SLC25A24: variants seen among roughly 807,000 people sequenced by gnomAD.
SLC25A24 encodes mitochondrial adenyl nucleotide antiporter SLC25A24.
SLC25A24 carries 49 observed loss-of-function variants against 60.7 expected under a neutral mutation model. That is an observed-to-expected ratio of 0.81 (90% CI 0.64 to 1.02). The LOEUF (loss-of-function observed/expected upper bound fraction) is 1.02. Among genes scored for constraint, SLC25A24 ranks in the 50% least tolerant of loss-of-function variants. SLC25A24 has a pLI of 0.00. For missense variants in SLC25A24, 564 were observed against 586.3 expected, an observed-to-expected ratio of 0.96 and a Z score of 0.39; for synonymous variants, 202 against 200.6, an observed-to-expected ratio of 1.01 and a Z score of -0.06.
At chr1:108,196,037 A>G (rs563027196) in intron 1 of SLC25A24, among the ~76,000 whole-genome samples, 18 of 152,244 alleles carry the variant, frequency 1.2e-4, no homozygotes, top group African/African-American at 3.6e-4. Flanking sequence ...ATGAAATAAA[A>G]ATGAAATGAA....
chr1:108,182,832 CA>C (rs1475659746), intron 2 of SLC25A24, among the ~76,000 whole-genome samples: 2 of 151,286 alleles, frequency 1.3e-5, no homozygotes, highest in Admixed American at 6.6e-5. Context: ...GACTCCATCT[CA>C]AAAATAAATA....
At chr1:108,137,785 C>T (rs908147862) in intron 9 of SLC25A24, among the ~76,000 whole-genome samples, 8 of 152,188 alleles carry the variant, frequency 5.3e-5, no homozygotes, top group African/African-American at 1.7e-4. Flanking sequence ...TACTTAAATT[C>T]TCTCTGCCCC....
rs560999003 is a variant in SLC25A24, at chr1:108,194,278, G to T, written c.183+5678C>A. ...TTTCCCCCAGAGCTGCTGAGCAGTGGCAAATGTCTAATGCTGTTTCACAAG... is the reference window on the plus strand; with the variant it reads ...TTTCCCCCAGAGCTGCTGAGCAGTGTCAAATGTCTAATGCTGTTTCACAAG... On this transcript the variant is annotated intron_variant, in intron 1 of 9. Transcript: ENST00000565488. Among the ~76,000 whole-genome samples, 2 of 138,054 alleles carry T rather than the reference G, an allele frequency of 1.4e-5. 1 individual carries two copies. Among genetic ancestry groups the T allele is most frequent in the South Asian group, 5.7e-4 (2 of 3,534 alleles). 90.6% of individuals were successfully genotyped at this position (138,054 alleles called of 152,430 possible). A position where few individuals can be genotyped will look rare whatever the true frequency, so the allele number is the denominator to read the frequency against.
At chr1:108,162,874 C>T (rs1340581716) in intron 3 of SLC25A24, among the ~76,000 whole-genome samples, 3 of 148,968 alleles carry the variant, frequency 2.0e-5, no homozygotes, top group African/African-American at 7.5e-5. Flanking sequence ...TTGCCCATGC[C>T]TATGTCCTGA....
Position 108,199,948 on chromosome 1 carries a change from C to T in SLC25A24, c.183+8G>A. On this transcript the variant is annotated splice_region_variant and intron_variant, in intron 1 of 9. Coordinates refer to ENST00000565488, the MANE Select transcript of SLC25A24 (RefSeq NM_013386.5). Reference sequence around the variant, plus strand: ...CTACGCTCAGGCGGCGCCCCGGCGGCGACCCACCTCCTCGGCGTCCTGGCC... The same window carrying T: ...CTACGCTCAGGCGGCGCCCCGGCGGTGACCCACCTCCTCGGCGTCCTGGCC... The T allele has an allele frequency of 2.5e-6, 4 of 1,598,536 alleles. No individual in the cohort carries two copies. Among genetic ancestry groups the T allele is most frequent in the South Asian group, 2.3e-5 (2 of 88,326 alleles).
chr1:108,158,982 A>G lies in SLC25A24; in HGVS notation c.511-1362T>C, dbSNP rs1308380720. 4.6e-5 allele frequency among the ~76,000 whole-genome samples: 7 copies of G among 152,176 alleles called. No individual in the cohort carries two copies. The South Asian group carries it at 1.4e-3, about 31-fold the overall frequency. On this transcript the variant is annotated intron_variant, in intron 4 of 9. Transcript: ENST00000565488. Reference sequence around the variant, plus strand: ...CGCACCACTGCACTCTAGCCTGGGCAACAGAGCAAGACTCCGTCTCAAAAA... The same window carrying G: ...CGCACCACTGCACTCTAGCCTGGGCGACAGAGCAAGACTCCGTCTCAAAAA...
intron 1 of SLC25A24, among the ~76,000 whole-genome samples, chr1:108,194,929 T>C (rs606166): frequency 0.24 from 37,065 of 152,216 alleles, 5,015 homozygotes; most frequent in African/African-American, 0.33. Context: ...ATTTGAACCC[T>C]GTTCTGATTC....
intron 8 of SLC25A24, among the ~76,000 whole-genome samples, chr1:108,140,248 T>C (rs1292918232): frequency 6.6e-6 from 1 of 152,144 alleles, no homozygotes; most frequent in Non-Finnish European, 1.5e-5. Flanking sequence ...TGGAATGTTA[T>C]ATTCTATGTT....
At chr1:108,197,376 TTA>T (rs1340428249) in intron 1 of SLC25A24, among the ~76,000 whole-genome samples, 1 of 152,150 alleles carries the variant, frequency 6.6e-6, no homozygotes. Context: ...AGATGAAAAT[TTA>T]TAGAGATTTT....
intron 2 of SLC25A24, among the ~76,000 whole-genome samples, 169 bp from the exon 3 acceptor site, chr1:108,182,197 T>G (rs1647953635): frequency 1.3e-5 from 2 of 152,182 alleles, no homozygotes; most frequent in African/African-American, 4.8e-5. Context: ...ACATCAATAC[T>G]AAAAATGTAA....
At chr1:108,158,307 T>C (rs1253669129) in intron 4 of SLC25A24, among the ~76,000 whole-genome samples, 1 of 152,184 alleles carries the variant, frequency 6.6e-6, no homozygotes, top group Non-Finnish European at 1.5e-5. Context: ...AATAATATTT[T>C]TACAATTCTA....
In SLC25A24 at chr1:108,143,700, GTTT is replaced by G. The variant is rs1176135815; in HGVS notation, c.938_940del (p.Lys313del). The G allele has an allele frequency of 6.2e-7, 1 of 1,607,300 alleles. No homozygotes were observed. The highest frequency in any genetic ancestry group is 1.7e-5 in the Admixed American group (1 of 58,716). On this transcript the variant is annotated inframe_deletion, in exon 8 of 10. Coordinates refer to ENST00000565488, the MANE Select transcript of SLC25A24 (RefSeq NM_013386.5). Reference sequence around the variant, plus strand: ...CCCAGTTTTGCCTACAGCCAGCCTGGTTTTCATAACCTGGATATAAAAAAAAAC... The same window carrying G: ...CCCAGTTTTGCCTACAGCCAGCCTGGTCATAACCTGGATATAAAAAAAAAC...
intron 3 of SLC25A24, among the ~76,000 whole-genome samples, chr1:108,163,556 A>C (rs1332317513): frequency 1.1e-4 from 17 of 152,054 alleles, no homozygotes; most frequent in Admixed American, 1.0e-3. Context: ...TCTTTGTAGC[A>C]ATTGTGAACG....
At chr1:108,188,618 G>T (rs57489815) in intron 1 of SLC25A24, among the ~76,000 whole-genome samples, 4 of 152,278 alleles carry the variant, frequency 2.6e-5, no homozygotes, top group African/African-American at 9.6e-5. Context: ...CTTGCTGCCC[G>T]ATGAACTAGA....
intron 1 of SLC25A24, among the ~76,000 whole-genome samples, chr1:108,191,124 T>C (rs1648330622): frequency 1.4e-5 from 2 of 138,976 alleles, no homozygotes; most frequent in South Asian, 5.4e-4. Context: ...TAAACAAATA[T>C]GAAGAACACT....
At chr1:108,148,189 T>C in intron 7 of SLC25A24, 90 bp downstream of exon 7, 2 of 847,220 alleles carry the variant, frequency 2.4e-6, no homozygotes, top group Non-Finnish European at 4.1e-6. Flanking sequence ...ATGCTTGTTT[T>C]AAACTGTTAA....
chr1:108,154,983 C>G lies in SLC25A24; in HGVS notation c.822G>C (p.Gln274His). ...ETAVKFWAYE[Q>H]YKKLLTEEGQ... is the part of the protein sequence containing the mutation. ...AAATTCCACGGGTGATAACAATTAC[C>G]TGTTCATATGCCCAGAATTTAACAG... The change falls in exon 6 of 10, where the codon CAG becomes CAC. Residue 274 changes from glutamine to histidine, a missense_variant and splice_region_variant. Transcript: ENST00000565488. 1 of 1,603,528 alleles carries G rather than the reference C, an allele frequency of 6.2e-7. No homozygotes were observed. The highest frequency in any genetic ancestry group is 8.5e-7 in the Non-Finnish European group (1 of 1,174,972).
intron 4 of SLC25A24, among the ~76,000 whole-genome samples, chr1:108,160,335 C>T (rs1239567821): frequency 4.0e-5 from 6 of 150,372 alleles, no homozygotes; most frequent in South Asian, 2.1e-4. Flanking sequence ...CGGGAAGAGG[C>T]GCTCCTCACT....
chr1:108,139,213 C>A lies in SLC25A24; in HGVS notation c.1099-5G>T. The A allele has an allele frequency of 6.3e-7, 1 of 1,582,040 alleles. No individual in the cohort carries two copies. Among genetic ancestry groups the A allele is most frequent in the South Asian group, 1.2e-5 (1 of 84,730 alleles). On this transcript the variant is annotated splice_polypyrimidine_tract_variant and splice_region_variant and intron_variant, in intron 8 of 9. Transcript: ENST00000565488. The stretch of plus-strand genomic sequence containing the variant: ...CAGCCAATAGGACTTCAAGAGCTGC[C>A]AGAGAAATAAAGAAGAAAATAATTA...
Sources: gnomAD v4.1 joint callset for allele counts (sites outside exome capture counted in the v4.1 genomes callset) on GRCh38, gnomAD v4.1.1 for gene constraint, MANE v1.5 for transcripts, NCBI Gene and HGNC (gene_info 2026-07-23, HGNC 2026-07-21) for gene names.